The following FHAD1 variants were observed in gnomAD, a reference collection of about 807,000 sequenced individuals.
The protein encoded by FHAD1 is forkhead associated phosphopeptide binding domain 1.
Under a neutral mutation model 191.3 loss-of-function variants are expected in FHAD1, and 146 were observed. That is an observed-to-expected ratio of 0.76 (90% CI 0.67 to 0.88). The LOEUF (loss-of-function observed/expected upper bound fraction) is 0.88. FHAD1 is among the 40% of genes least tolerant of loss of function. The probability of loss-of-function intolerance (pLI) is 0.00; values close to 1 mark genes in which losing one functional copy is unlikely to be tolerated. For missense variants in FHAD1, 1,635 were observed against 1,785.8 expected (o/e 0.92, Z 1.52); for synonymous variants, 616 against 672.3 (o/e 0.92, Z 1.29).
intron 2 of FHAD1, among the ~76,000 whole-genome samples, chr1:15,261,695 T>C (rs368312104): frequency 3.6e-4 from 55 of 152,258 alleles, no homozygotes; most frequent in African/African-American, 1.3e-3. Context: ...GCTCCCAGAC[T>C]CACAGTCTTA....
At position 15,358,111 on chromosome 1, in the gene FHAD1, A is replaced by C. The variant is rs1190021401; in HGVS notation, c.2564A>C (p.Glu855Ala). 1 of 1,502,908 alleles carries C rather than the reference A, an allele frequency of 6.7e-7. No individual in the cohort carries two copies. Among genetic ancestry groups the C allele is most frequent in the East Asian group, 2.5e-5 (1 of 40,026 alleles). 93.1% of individuals were successfully genotyped at this position (1,502,908 alleles called of 1,614,324 possible). A position where few individuals can be genotyped will look rare whatever the true frequency, so the allele number is the denominator to read the frequency against. The change falls in exon 21 of 34, where the codon GAA becomes GCA. Residue 855 changes from glutamate (E) to alanine (A), a missense_variant and splice_region_variant. Transcript: ENST00000688493. ...TTTGCTACTTGTTTTTTTGTCTAGG[A>C]ATTAGAATTAAAAGAGCAAAAAGAG... The part of the protein sequence containing the change: ...LENRLTKQKE[E>A]LELKEQKEDV...
At chr1:15,290,541 A>G (rs1191172127) in intron 4 of FHAD1, among the ~76,000 whole-genome samples, 1 of 152,078 alleles carries the variant, frequency 6.6e-6, no homozygotes, top group Non-Finnish European at 1.5e-5. Context: ...CACTAAAATC[A>G]TTATTACTGT....
chr1:15,324,856 A>G (rs538662094), intron 11 of FHAD1: 226 of 441,866 alleles, frequency 5.1e-4, no homozygotes, highest in African/African-American at 4.2e-3. Context: ...CCTTGCCCCC[A>G]GTGGTGTTTC....
upstream of FHAD1, among the ~76,000 whole-genome samples, chr1:15,245,389 T>C (rs1301714350): frequency 6.6e-6 from 1 of 152,260 alleles, no homozygotes; most frequent in Non-Finnish European, 1.5e-5. Flanking sequence ...TATTTGCTCT[T>C]TTTTGTTGTT....
At chr1:15,301,074 C>T in intron 5 of FHAD1, 131 bp from the exon 6 acceptor site, 2 of 696,828 alleles carry the variant, frequency 2.9e-6, no homozygotes, top group Non-Finnish European at 4.7e-6. Flanking sequence ...AGGCGATCCA[C>T]CCATCTTGGC....
chr1:15,251,562 T>C (rs2100777235), intron 1 of FHAD1, among the ~76,000 whole-genome samples: 1 of 152,334 alleles, frequency 6.6e-6, no homozygotes, highest in Middle Eastern at 3.4e-3. Context: ...GGCTTTTCTA[T>C]GCTAGATATC....
chr1:15,344,490 G>A (rs1688068585), intron 16 of FHAD1, among the ~76,000 whole-genome samples: 1 of 152,210 alleles, frequency 6.6e-6, no homozygotes, highest in Non-Finnish European at 1.5e-5. Context: ...CAGTTTTGCA[G>A]GTCATATGCT....
chr1:15,245,117 G>C (rs1780595), upstream of FHAD1, among the ~76,000 whole-genome samples: 1 of 151,918 alleles, frequency 6.6e-6, no homozygotes, highest in East Asian at 1.9e-4. Flanking sequence ...GCACCCTACA[G>C]GAACAGCACC....
At chr1:15,393,820 C>A (rs1290657825) in intron 33 of FHAD1, among the ~76,000 whole-genome samples, 1 of 151,762 alleles carries the variant, frequency 6.6e-6, no homozygotes, top group East Asian at 1.9e-4. Flanking sequence ...TAACTTTGAG[C>A]CCAGTGTTTG....
intron 1 of FHAD1, 48 bp downstream of exon 1, chr1:15,247,443 A>G: frequency 5.4e-6 from 1 of 184,658 alleles, no homozygotes. Context: ...GGGGACCGGA[A>G]GGGGCGGCCC....
At chr1:15,348,095 A>T (rs1255684912) in intron 18 of FHAD1, among the ~76,000 whole-genome samples, 1 of 152,238 alleles carries the variant, frequency 6.6e-6, no homozygotes, top group African/African-American at 2.4e-5. Context: ...CCCACTTCAA[A>T]GGATCCAAAT....
chr1:15,241,831 C>T (rs950033212), intron 1 of FHAD1, among the ~76,000 whole-genome samples: 1 of 152,156 alleles, frequency 6.6e-6, no homozygotes, highest in African/African-American at 2.4e-5. Flanking sequence ...TGGGTGAGTA[C>T]ACTTAGTAAA....
downstream of FHAD1, among the ~76,000 whole-genome samples, chr1:15,400,734 C>A (rs1169624913): frequency 6.6e-6 from 1 of 152,218 alleles, no homozygotes; most frequent in Non-Finnish European, 1.5e-5. Flanking sequence ...CCTTCCACTG[C>A]CACGCTTTGT....
chr1:15,299,233 G>GAAAAAAAAAAA (rs1247959804), intron 5 of FHAD1, among the ~76,000 whole-genome samples: 1 of 126,096 alleles, frequency 7.9e-6, no homozygotes, highest in Non-Finnish European at 1.6e-5. Context: ...AAAAAAAAAA[G>GAAAAAAAAAAA]AAAGAAAGAA....
At chr1:15,402,794 C>G (rs1291706150), downstream of FHAD1, among the ~76,000 whole-genome samples, 1 of 152,172 alleles carries the variant, frequency 6.6e-6, no homozygotes. Flanking sequence ...ATAGCACTTT[C>G]CTCAAGGAAG....
At chr1:15,284,776 T>C (rs1661840261) in intron 3 of FHAD1, among the ~76,000 whole-genome samples, 1 of 152,114 alleles carries the variant, frequency 6.6e-6, no homozygotes, top group South Asian at 2.1e-4. Context: ...CTGATAGAAA[T>C]TCAGCCGTGG....
intron 4 of FHAD1, among the ~76,000 whole-genome samples, chr1:15,294,872 C>A (rs531268034): frequency 1.5e-4 from 23 of 152,252 alleles, no homozygotes; most frequent in Non-Finnish European, 2.8e-4. Flanking sequence ...TCGCCCTTCT[C>A]CTCGAACAGG....
chr1:15,289,642 C>T lies in FHAD1; in HGVS notation c.544C>T (p.Arg182Cys), dbSNP rs548188217. The T allele has an allele frequency of 1.7e-5, 26 of 1,550,138 alleles. No homozygotes were observed. The Admixed American group carries it at 1.8e-4, about 11-fold the overall frequency. The stretch of plus-strand genomic sequence containing the variant: ...GTTCTCGTTCGTGGTGGACGACGCC[C>T]GCAAGCCACCCGTCATCAAGCAAGG... Reference protein sequence around the residue: ...EMFSFVVDDARKPPVIKQVWT... With the variant: ...EMFSFVVDDACKPPVIKQVWT... Residue 182 changes from arginine to cysteine, a missense_variant, in exon 4 of 34, where the codon CGC becomes TGC. Coordinates refer to ENST00000688493, the MANE Select transcript of FHAD1 (RefSeq NM_001391957.1). This position sits in a 1 kb window ranked among gnomAD's most constrained non-coding sequence, Gnocchi z 4.2.
In FHAD1 at chr1:15,381,429, G is replaced by T; in HGVS notation, c.4000G>T (p.Glu1334Ter). The T allele has an allele frequency of 6.4e-7, 1 of 1,551,536 alleles. No homozygotes were observed. The highest frequency in any genetic ancestry group is 8.7e-7 in the Non-Finnish European group (1 of 1,146,982). The stretch of plus-strand genomic sequence containing the variant: ...GAAAGAGGAGCTGTTGAGAGGATAT[G>T]AAAAGGACGTTGAACAGCTCAGGTA... ...GRKEELLRGYEKDVEQLRRSK... is the reference protein window; with the variant it reads ...GRKEELLRGY The change falls in exon 30 of 34, where the codon GAA becomes TAA. Residue 1334 changes from glutamate (E) to a stop codon, truncating the protein, a stop_gained. Coordinates refer to ENST00000688493, the MANE Select transcript of FHAD1 (RefSeq NM_001391957.1). LOFTEE classifies it high-confidence loss of function. The surrounding 1 kb of genome is among the most constrained non-coding windows in gnomAD (Gnocchi z 4.6).
Sources: allele counts gnomAD v4.1 joint callset (sites outside exome capture counted in the v4.1 genomes callset), GRCh38; gene constraint gnomAD v4.1.1; non-coding constraint Gnocchi (gnomAD v3.1); transcripts MANE v1.5; gene names NCBI Gene and HGNC (gene_info 2026-07-23, HGNC 2026-07-21).